The following NLK variants were observed in gnomAD, a reference collection of about 807,000 sequenced individuals.
NLK encodes serine/threonine-protein kinase NLK.
NLK carries 11 observed loss-of-function variants against 59.0 expected under a neutral mutation model. The observed-to-expected ratio is 0.19, with a 90% CI of 0.12 to 0.31. The LOEUF is 0.31. Ranked by LOEUF, NLK falls within the 10% of genes least tolerant of loss-of-function variation. The pLI is 1.00. For synonymous variants in NLK, 235 were observed against 235.9 expected, an observed-to-expected ratio of 1.00 and a Z score of 0.03; for missense variants, 410 against 661.1, an observed-to-expected ratio of 0.62 and a Z score of 4.16.
At chr17:28,059,871 G>A (rs12603241) in intron 1 of NLK, among the ~76,000 whole-genome samples, 8,295 of 151,960 alleles carry the variant, frequency 0.055, 499 homozygotes, top group East Asian at 0.17. Flanking sequence ...GCCCTTATAT[G>A]GTATTTTCAT....
intron 1 of NLK, among the ~76,000 whole-genome samples, chr17:28,067,650 A>G (rs1248443444): frequency 1.3e-5 from 2 of 152,066 alleles, no homozygotes; most frequent in Admixed American, 1.3e-4. Flanking sequence ...GGCAGTTAGC[A>G]TGGAGATAGT....
chr17:28,203,286 A>G, the NLK span, among the ~76,000 whole-genome samples: 1 of 151,964 alleles, frequency 6.6e-6, no homozygotes, highest in Non-Finnish European at 1.5e-5. Flanking sequence ...GATTACAGGC[A>G]TGATCCACTG....
chr17:28,115,684 G>T (rs1905734069), intron 1 of NLK, among the ~76,000 whole-genome samples: 1 of 151,996 alleles, frequency 6.6e-6, no homozygotes, highest in Non-Finnish European at 1.5e-5. Context: ...CCATCAATTT[G>T]GGGGGAGTTG....
intron 2 of NLK, among the ~76,000 whole-genome samples, chr17:28,131,648 C>G (rs532245669): frequency 1.1e-4 from 16 of 147,106 alleles, no homozygotes; most frequent in Admixed American, 2.7e-4. Flanking sequence ...TGAACTAGTA[C>G]CACACAATTT....
chr17:28,181,731 G>T (rs1209727469), intron 7 of NLK, among the ~76,000 whole-genome samples: 1 of 152,096 alleles, frequency 6.6e-6, no homozygotes, highest in Non-Finnish European at 1.5e-5. Context: ...CACAAGGCTG[G>T]GTGCAGTGGC....
intron 7 of NLK, among the ~76,000 whole-genome samples, chr17:28,175,720 T>G (rs1052378845): frequency 2.0e-5 from 3 of 152,238 alleles, no homozygotes; most frequent in Admixed American, 2.0e-4. Flanking sequence ...GAACATAGAA[T>G]AGTGCCTGGC....
At chr17:28,127,677 A>C (rs1451660758) in intron 2 of NLK, among the ~76,000 whole-genome samples, 1 of 152,238 alleles carries the variant, frequency 6.6e-6, no homozygotes, top group Non-Finnish European at 1.5e-5. Context: ...TATACATTTC[A>C]GTATAATCTT....
chr17:28,175,614 T>G (rs1356901014), intron 7 of NLK, among the ~76,000 whole-genome samples: 1 of 152,192 alleles, frequency 6.6e-6, no homozygotes, highest in Non-Finnish European at 1.5e-5. Context: ...ATTTAACCTC[T>G]GTGTATATCA....
intron 1 of NLK, among the ~76,000 whole-genome samples, chr17:28,049,419 C>G (rs1399212573): frequency 6.6e-6 from 1 of 152,176 alleles, no homozygotes; most frequent in Non-Finnish European, 1.5e-5. Context: ...TTTATTGTCA[C>G]TTCGCTGTGG....
intron 1 of NLK, among the ~76,000 whole-genome samples, chr17:28,091,323 G>C (rs1472481078): frequency 1.3e-5 from 2 of 152,102 alleles, no homozygotes; most frequent in African/African-American, 2.4e-5. Flanking sequence ...GACAGATTCA[G>C]TTAAAGATGC....
intron 3 of NLK, among the ~76,000 whole-genome samples, chr17:28,146,625 C>G (rs1907266298): frequency 6.6e-6 from 1 of 152,282 alleles, no homozygotes; most frequent in African/African-American, 2.4e-5. Context: ...CATTTTGATT[C>G]CAAAGCCTAC....
intron 7 of NLK, among the ~76,000 whole-genome samples, chr17:28,179,314 C>T (rs1455805724): frequency 2.6e-5 from 4 of 152,082 alleles, no homozygotes; most frequent in Non-Finnish European, 5.9e-5. Flanking sequence ...ACTGCAGCCT[C>T]AATTTTCCAG....
At chr17:28,069,226 A>G (rs527697915) in intron 1 of NLK, among the ~76,000 whole-genome samples, 10 of 152,260 alleles carry the variant, frequency 6.6e-5, no homozygotes, top group South Asian at 6.2e-4. Flanking sequence ...TGTTTTTGCA[A>G]TTCATCTATG....
chr17:28,129,802 G>T (rs1906445120), intron 2 of NLK, among the ~76,000 whole-genome samples: 1 of 152,064 alleles, frequency 6.6e-6, no homozygotes, highest in African/African-American at 2.4e-5. Context: ...TTATAGTTAG[G>T]ATTGAGATTA....
chr17:28,093,636 C>G (rs552913615), intron 1 of NLK, among the ~76,000 whole-genome samples: 1 of 152,242 alleles, frequency 6.6e-6, no homozygotes, highest in Admixed American at 6.5e-5. Context: ...TAATCCAATC[C>G]CAGTTCTGCC....
At chr17:28,076,021 A>T (rs902932215) in intron 1 of NLK, among the ~76,000 whole-genome samples, 4 of 152,150 alleles carry the variant, frequency 2.6e-5, no homozygotes, top group Non-Finnish European at 4.4e-5. Flanking sequence ...CTTTTTTTGT[A>T]TATGTCTTAA....
At chr17:28,134,110 A>G (rs931757575) in intron 3 of NLK, among the ~76,000 whole-genome samples, 1 of 152,148 alleles carries the variant, frequency 6.6e-6, no homozygotes, top group Non-Finnish European at 1.5e-5. Flanking sequence ...AATAAAAAGT[A>G]TAGTGGGCAC....
Position 28,112,392 on chromosome 17 carries a change from T to G in NLK, c.459-10211T>G, listed in dbSNP as rs142324300. On this transcript the variant is annotated intron_variant, in intron 1 of 10. Transcript: ENST00000407008. ...TGTAGCCAGCCTTGCCCAGGAACTA[T>G]TAGATGTACTGGTGCTTGGGTAGGG... Among the ~76,000 whole-genome samples the G allele has an allele frequency of 2.7e-3, 409 of 152,250 alleles. 1 individual carries two copies. Among genetic ancestry groups the G allele is most frequent in the African/African-American group, 8.8e-3 (364 of 41,552 alleles).
chr17:28,161,214 T>C lies in NLK; in HGVS notation c.699T>C (p.Pro233=). Reference sequence around the variant, plus strand: ...ACCTACATAAAATTATCGTCTCTCCTCAACCACTCAGCTCAGATCATGTCA... The same window carrying C: ...ACCTACATAAAATTATCGTCTCTCCCCAACCACTCAGCTCAGATCATGTCA... The part of the protein sequence containing the change: ...QSDLHKIIVS[P]QPLSSDHVKV... The change falls in exon 4 of 11, where the codon CCT becomes CCC. Residue 233 remains proline (P), a synonymous_variant. Coordinates refer to ENST00000407008, the MANE Select transcript of NLK (RefSeq NM_016231.5). 1 of 1,612,278 alleles carries C rather than the reference T, an allele frequency of 6.2e-7. No homozygotes were observed. The highest frequency in any genetic ancestry group is 2.2e-5 in the East Asian group (1 of 44,860).
Sources: gnomAD v4.1 joint callset for allele counts (sites outside exome capture counted in the v4.1 genomes callset) on GRCh38, gnomAD v4.1.1 for gene constraint, MANE v1.5 for transcripts, NCBI Gene and HGNC (gene_info 2026-07-23, HGNC 2026-07-21) for gene names.